The following CFP variants were observed in gnomAD, a reference collection of about 807,000 sequenced individuals.
CFP encodes the protein complement factor properdin.
Under a neutral mutation model 42.1 loss-of-function variants are expected in CFP, and 14 were observed. The ratio of observed to expected loss-of-function variants is 0.33; its 90% CI spans 0.22 to 0.52. The LOEUF (loss-of-function observed/expected upper bound fraction) is 0.52, where lower values mean the gene tolerates loss of function less well. Ranked by LOEUF, CFP falls within the 20% of genes least tolerant of loss-of-function variation. The pLI, the probability that CFP is intolerant of heterozygous loss-of-function variation, is 0.96. For synonymous variants in CFP, 149 were observed against 160.6 expected, an observed-to-expected ratio of 0.93 and a Z score of 0.54; for missense variants, 318 against 400.4, an observed-to-expected ratio of 0.79 and a Z score of 1.76.
chrX:47,630,085 C>G, upstream of CFP: 1 of 425,914 alleles, frequency 2.3e-6, no homozygotes, highest in Non-Finnish European at 4.1e-6. Context: ...CTCCTCCCAG[C>G]AACCTCACAG....
Position 47,627,655 on chromosome X carries a change from G to A in CFP, c.404-14C>T. 2 of 1,187,330 alleles carry A rather than the reference G, an allele frequency of 1.7e-6. No homozygotes were observed. The highest frequency in any genetic ancestry group is 6.0e-5 in the East Asian group (2 of 33,366). On this transcript the variant is annotated splice_polypyrimidine_tract_variant and intron_variant, in intron 3 of 8. Transcript: ENST00000396992. ...AGCCGCCCATCTCTGTGGGAGAGAA[G>A]AGAGGGTAATGGGATGGAGGTGGGG... is the stretch of plus-strand genomic sequence containing the variant.
chrX:47,626,441 A>G lies in CFP; in HGVS notation c.1019T>C (p.Ile340Thr). The change falls in exon 7 of 9, where the codon ATC becomes ACC. Residue 340 changes from isoleucine (I) to threonine (T), a missense_variant. Physicochemically the swap from Ile to Thr is moderately conservative, Grantham distance 89. Transcript: ENST00000396992. ...CCTCCCGCGTGACTGCTGGCCCGGG[A>G]TTTCTTGACAGCTGATGGACTTCAT... ...RNMKSISCQE[I>T]PGQQSRGRTC... 3 of 1,211,001 alleles carry G rather than the reference A, an allele frequency of 2.5e-6. No individual in the cohort carries two copies. The highest frequency in any genetic ancestry group is 3.4e-6 in the Non-Finnish European group (3 of 895,319).
In CFP at chrX:47,627,227, G is replaced by A. The variant is rs770396604; in HGVS notation, c.680C>T (p.Pro227Leu). The change falls in exon 5 of 9, where the codon CCT (proline) becomes CTT (leucine). Residue 227 changes from proline (P) to leucine (L), a missense_variant. Coordinates refer to ENST00000396992, the MANE Select transcript of CFP (RefSeq NM_001145252.3). Reference sequence around the variant, plus strand: ...CCCAGGAGGTTTCTGGGAGGGCTCAGGTGCAGAACACTTGCGGCTTCGTGT... The same window carrying A: ...CCCAGGAGGTTTCTGGGAGGGCTCAAGTGCAGAACACTTGCGGCTTCGTGT... ...KETRSRKCSAPEPSQKPPGKP... is the reference protein window; with the variant it reads ...KETRSRKCSALEPSQKPPGKP... 1.7e-5 allele frequency: 20 copies of A among 1,210,579 alleles called. No individual in the cohort carries two copies. The highest frequency in any genetic ancestry group is 8.7e-5 in the Admixed American group (4 of 45,982).
Position 47,627,326 on chromosome X carries a change from C to G in CFP, c.581G>C (p.Gly194Ala), listed in dbSNP as rs1248953318. ...CDTQQVCPTH[G>A]AWATWGPWTP... ...CCAGGGGCCCCAGGTGGCCCAGGCCCCGTGTGCTGTGGTGGGGTGGGAGGT... is the reference window on the plus strand; with the variant it reads ...CCAGGGGCCCCAGGTGGCCCAGGCCGCGTGTGCTGTGGTGGGGTGGGAGGT... The change falls in exon 5 of 9, where the codon GGG becomes GCG. Residue 194 changes from glycine to alanine, a missense_variant. Coordinates refer to ENST00000396992, the MANE Select transcript of CFP (RefSeq NM_001145252.3). 8.4e-7 allele frequency: 1 copy of G among 1,193,315 alleles called. No individual in the cohort carries two copies. Among genetic ancestry groups the G allele is most frequent in the African/African-American group, 1.7e-5 (1 of 57,228 alleles).
At chrX:47,626,995 C>T in intron 5 of CFP, 49 bp from the exon 6 acceptor site, 1 of 1,149,256 alleles carries the variant, frequency 8.7e-7, no homozygotes, top group African/African-American at 1.8e-5. Context: ...TCAATCCTTC[C>T]TCTCAGCCCC....
chrX:47,627,252 T>A lies in CFP; in HGVS notation c.655A>T (p.Thr219Ser), dbSNP rs1481069324. Residue 219 changes from threonine to serine, a missense_variant, in exon 5 of 9, where the codon ACA becomes TCA. By Grantham distance (58) the Thr-to-Ser change is moderately conservative (BLOSUM62 1). Coordinates refer to ENST00000396992, the MANE Select transcript of CFP (RefSeq NM_001145252.3). ...GGTGCAGAACACTTGCGGCTTCGTG[T>A]CTCCTTAGGTTCGTGGGGTCCACCG... ...CHGGPHEPKE[T>S]RSRKCSAPEP... is the part of the protein sequence containing the mutation. 6 of 1,209,239 alleles carry A rather than the reference T, an allele frequency of 5.0e-6. No individual in the cohort carries two copies. Among genetic ancestry groups the A allele is most frequent in the Non-Finnish European group, 6.7e-6 (6 of 894,491 alleles).
At position 47,629,826 on chromosome X, in the gene CFP, G is replaced by T. The variant is rs1295423619; in HGVS notation, c.19C>A (p.Gln7Lys). Residue 7 changes from glutamine to lysine, a missense_variant, in exon 1 of 9, where the codon CAG becomes AAG. Gln to Lys is a moderately conservative substitution (Grantham distance 53). Coordinates refer to ENST00000396992, the MANE Select transcript of CFP (RefSeq NM_001145252.3). ...GGCGGCAGCAACAATCGAGGGGCCT[G>T]CGCTCCCTCTGTGATCATGTTGAGT... MITEGA[Q>K]APRLLLPPLL... 8.6e-7 allele frequency: 1 copy of T among 1,167,798 alleles called. No individual in the cohort carries two copies. The highest frequency in any genetic ancestry group is 1.8e-5 in the African/African-American group (1 of 56,224).
Position 47,629,918 on chromosome X carries a change from A to G in CFP, c.-74T>C. 1 of 1,082,634 alleles carries G rather than the reference A, an allele frequency of 9.2e-7. No individual in the cohort carries two copies. The highest frequency in any genetic ancestry group is 1.3e-6 in the Non-Finnish European group (1 of 795,668). The allele number at this position is 1,082,634 out of a possible 1,213,427, so 89.2% of individuals were successfully genotyped here. On this transcript the variant is annotated 5_prime_UTR_variant, in exon 1 of 9. Coordinates refer to ENST00000396992, the MANE Select transcript of CFP (RefSeq NM_001145252.3). ...TCTGGGTTGATAGGCTCCTGGAATC[A>G]GCAGGGAAAGAGGAACCTAGAGGCA...
chrX:47,627,652 G>C lies in CFP; in HGVS notation c.404-11C>G. On this transcript the variant is annotated splice_polypyrimidine_tract_variant and intron_variant, in intron 3 of 8. Transcript: ENST00000396992. ...ACCAGCCGCCCATCTCTGTGGGAGAGAAGAGAGGGTAATGGGATGGAGGTG... is the reference window on the plus strand; with the variant it reads ...ACCAGCCGCCCATCTCTGTGGGAGACAAGAGAGGGTAATGGGATGGAGGTG... 8.4e-7 allele frequency: 1 copy of C among 1,188,406 alleles called. No individual in the cohort carries two copies. Among genetic ancestry groups the C allele is most frequent in the Non-Finnish European group, 1.1e-6 (1 of 882,325 alleles).
rs756460607 is a variant in CFP at position 47,626,777 on chromosome X, G to A, written c.936C>T (p.Cys312=). ...RTHICNTAVP[C]PVDGEWDSWG... is the part of the protein sequence containing the mutation. The stretch of plus-strand genomic sequence containing the variant: ...CGTGAACCCTGAGATGCTGACCAGG[G>A]CAGGGCACAGCTGTGTTGCAGATGT... The change falls in exon 6 of 9, where the codon TGC becomes TGT. Residue 312 remains cysteine (C), a synonymous_variant. Coordinates refer to ENST00000396992, the MANE Select transcript of CFP (RefSeq NM_001145252.3). The A allele has an allele frequency of 2.5e-6, 3 of 1,205,646 alleles. No homozygotes were observed. The highest frequency in any genetic ancestry group is 3.0e-5 in the East Asian group (1 of 33,708).
At chrX:47,630,096 T>C (rs2057985437), upstream of CFP, 3 of 412,331 alleles carry the variant, frequency 7.3e-6, no homozygotes, top group African/African-American at 7.6e-5. Context: ...AACCTCACAG[T>C]GTTCAATAGA....
upstream of CFP, chrX:47,630,048 T>C: frequency 2.2e-6 from 1 of 455,139 alleles, no homozygotes; most frequent in South Asian, 3.2e-5. Context: ...CTTGTTCTGT[T>C]TGTTACTATA....
At position 47,627,276 on chromosome X, in the gene CFP, C is replaced by T. The variant is rs1304830930; in HGVS notation, c.631G>A (p.Gly211Ser). ...PWTPCSASCH[G>S]GPHEPKETRS... ...GTCTCCTTAGGTTCGTGGGGTCCAC[C>T]GTGGCAGGAGGCTGAGCAGGGGGTC... Residue 211 changes from glycine (G) to serine (S), a missense_variant, in exon 5 of 9, where the codon GGT becomes AGT. Gly to Ser is a moderately conservative substitution (Grantham distance 56). Coordinates refer to ENST00000396992, the MANE Select transcript of CFP (RefSeq NM_001145252.3). 2.5e-6 allele frequency: 3 copies of T among 1,207,010 alleles called. No individual in the cohort carries two copies. Among genetic ancestry groups the T allele is most frequent in the South Asian group, 1.8e-5 (1 of 56,302 alleles).
At chrX:47,625,764 G>A in intron 8 of CFP, 1 of 371,179 alleles carries the variant, frequency 2.7e-6, no homozygotes, top group Non-Finnish European at 4.8e-6. Context: ...ATGGAGGCCT[G>A]AGTGATGGCA....
At chrX:47,628,627 T>C (rs2057978942) in intron 2 of CFP, 8 of 372,679 alleles carry the variant, frequency 2.1e-5, no homozygotes, top group Non-Finnish European at 4.0e-5. Flanking sequence ...TAGAAAGTGC[T>C]TAATAAACCT....
At chrX:47,629,701 G>A (rs748160018) in intron 1 of CFP, 27 bp from the exon 2 acceptor site, 1 of 1,160,162 alleles carries the variant, frequency 8.6e-7, no homozygotes, top group Non-Finnish European at 1.2e-6. Flanking sequence ...GGATGGGTGG[G>A]TGGGGCTCGG....
chrX:47,628,858 G>A (rs1007754424), intron 2 of CFP: 9 of 188,515 alleles, frequency 4.8e-5, no homozygotes, highest in Non-Finnish European at 7.0e-5. Context: ...TCTGGCATAC[G>A]GTAAGGGCTC....
Position 47,624,252 on chromosome X carries a change from G to A in CFP, c.*23C>T. The A allele has an allele frequency of 8.3e-7, 1 of 1,207,637 alleles. No homozygotes were observed. Among genetic ancestry groups the A allele is most frequent in the Non-Finnish European group, 1.1e-6 (1 of 891,959 alleles). ...TTATTGAGGTTTGGAAGGTCAGGGG[G>A]CTCAGAGTGGAGGAGAGAAGTGTTA... On this transcript the variant is annotated 3_prime_UTR_variant, in exon 9 of 9. Transcript: ENST00000396992.
At chrX:47,628,824 T>C (rs2057979600) in intron 2 of CFP, 1 of 208,985 alleles carries the variant, frequency 4.8e-6, no homozygotes, top group African/African-American at 2.9e-5. Flanking sequence ...ATCTGGGATA[T>C]ATAGTAAACA....
Sources: gnomAD v4.1 joint callset for allele counts on GRCh38, gnomAD v4.1.1 for gene constraint, MANE v1.5 for transcripts, NCBI Gene and HGNC (gene_info 2026-07-23, HGNC 2026-07-21) for gene names.